Variants in EPB41L3 observed in about 807,000 individuals in gnomAD.
The protein encoded by EPB41L3 is band 4.1-like protein 3.
In EPB41L3, 57 loss-of-function variants were observed where a neutral mutation model predicts 127.1. The observed-to-expected ratio is 0.45, with a 90% confidence interval of 0.36 to 0.56. The LOEUF (loss-of-function observed/expected upper bound fraction) is 0.56. Ranked by LOEUF, EPB41L3 falls within the 20% of genes least tolerant of loss-of-function variation. The probability of loss-of-function intolerance (pLI) is 0.00; values close to 1 mark genes in which losing one functional copy is unlikely to be tolerated. For missense variants in EPB41L3, 1,273 were observed against 1,372.2 expected (o/e 0.93, Z 1.14); for synonymous variants, 572 against 549.5 (o/e 1.04, Z -0.57).
chr18:5,552,905 TAGAC>T (rs1179042643), intron 3 of EPB41L3, among the ~76,000 whole-genome samples: 1 of 152,208 alleles, frequency 6.6e-6, no homozygotes, highest in Non-Finnish European at 1.5e-5. Context: ...AGCCTCTAAG[TAGAC>T]AGTCAAATAA....
chr18:5,469,222 G>A (rs1319273130), intron 3 of EPB41L3, among the ~76,000 whole-genome samples: 1 of 152,208 alleles, frequency 6.6e-6, no homozygotes, highest in Non-Finnish European at 1.5e-5. Context: ...CCCCTTCTGG[G>A]AGCCCAGACC....
At chr18:5,396,152 GA>G in intron 19 of EPB41L3, 48 bp downstream of exon 19, 1 of 1,610,100 alleles carries the variant, frequency 6.2e-7, no homozygotes, top group South Asian at 1.1e-5. Flanking sequence ...CTAGGCCATA[GA>G]GGGGTGAAAT....
chr18:5,464,618 T>G (rs532022040), intron 3 of EPB41L3, among the ~76,000 whole-genome samples: 1 of 152,308 alleles, frequency 6.6e-6, no homozygotes, highest in East Asian at 1.9e-4. Flanking sequence ...TAGTCATTTT[T>G]TTAAAACCCA....
intron 1 of EPB41L3, among the ~76,000 whole-genome samples, chr18:5,518,998 C>T (rs1343925858): frequency 1.3e-5 from 2 of 152,118 alleles, no homozygotes; most frequent in Non-Finnish European, 2.9e-5. Context: ...TCAATCTGCT[C>T]GGCAAAGACG....
chr18:5,501,258 T>C (rs1598376990), intron 1 of EPB41L3, among the ~76,000 whole-genome samples: 2 of 147,310 alleles, frequency 1.4e-5, no homozygotes, highest in East Asian at 4.0e-4. Flanking sequence ...ATCAGCAGAC[T>C]GGGGGTCATT....
intron 3 of EPB41L3, among the ~76,000 whole-genome samples, chr18:5,569,717 C>A (rs539086898): frequency 6.6e-6 from 1 of 152,126 alleles, no homozygotes; most frequent in African/African-American, 2.4e-5. Context: ...GTGGTTTTTC[C>A]GGCATTCCTA....
chr18:5,467,027 A>G (rs549284951), intron 3 of EPB41L3, among the ~76,000 whole-genome samples: 11 of 152,300 alleles, frequency 7.2e-5, no homozygotes, highest in Non-Finnish European at 1.5e-4. Context: ...GAATCACTAG[A>G]TGGTGCAACT....
chr18:5,496,387 A>G (rs1207648878), intron 1 of EPB41L3, among the ~76,000 whole-genome samples: 4 of 152,254 alleles, frequency 2.6e-5, no homozygotes, highest in Non-Finnish European at 4.4e-5. Flanking sequence ...ACATTTTAAT[A>G]AGCAAAGGAA....
intron 3 of EPB41L3, among the ~76,000 whole-genome samples, chr18:5,599,154 T>C (rs541065469): frequency 6.6e-6 from 1 of 152,332 alleles, no homozygotes; most frequent in South Asian, 2.1e-4. Flanking sequence ...GTCAGTTTCC[T>C]AATCTATGAA....
chr18:5,468,894 C>T (rs2322099), intron 3 of EPB41L3, among the ~76,000 whole-genome samples: 13 of 151,894 alleles, frequency 8.6e-5, no homozygotes, highest in East Asian at 5.8e-4. Flanking sequence ...TCAGCCTGGG[C>T]GACAGAGAGA....
chr18:5,574,845 TC>T (rs1205356772), intron 3 of EPB41L3, among the ~76,000 whole-genome samples: 1 of 152,196 alleles, frequency 6.6e-6, no homozygotes, highest in African/African-American at 2.4e-5. Flanking sequence ...TAGCTTGGTA[TC>T]ATTTCCCTGT....
At chr18:5,456,160 G>A (rs2083025315) in intron 3 of EPB41L3, among the ~76,000 whole-genome samples, 1 of 152,146 alleles carries the variant, frequency 6.6e-6, no homozygotes, top group South Asian at 2.1e-4. Context: ...TGAATTTAAT[G>A]AGTATGAATT....
chr18:5,429,301 T>C (rs1324265315), intron 8 of EPB41L3: 1 of 152,184 alleles, frequency 6.6e-6, no homozygotes, highest in Non-Finnish European at 1.5e-5. Flanking sequence ...GTTTAGGTAA[T>C]TTCCTATGGA....
chr18:5,399,305 C>T, intron 16 of EPB41L3: 2 of 399,056 alleles, frequency 5.0e-6, no homozygotes, highest in Non-Finnish European at 8.8e-6. Flanking sequence ...CGGTCACCAC[C>T]TTGTAAGTCA....
At chr18:5,563,088 G>A (rs2094154310) in intron 3 of EPB41L3, among the ~76,000 whole-genome samples, 1 of 152,234 alleles carries the variant, frequency 6.6e-6, no homozygotes, top group Non-Finnish European at 1.5e-5. Flanking sequence ...CCAGACGGAT[G>A]GGCAGAGGAT....
intron 1 of EPB41L3, among the ~76,000 whole-genome samples, chr18:5,499,638 G>A (rs948653954): frequency 2.0e-5 from 3 of 151,728 alleles, no homozygotes; most frequent in African/African-American, 7.3e-5. Context: ...GTGGTGGCGG[G>A]CGCCTGTAGT....
At chr18:5,623,922 G>T (rs186668521) in intron 1 of EPB41L3, among the ~76,000 whole-genome samples, 2 of 152,092 alleles carry the variant, frequency 1.3e-5, no homozygotes, top group Admixed American at 1.3e-4. Flanking sequence ...CTCCCAAAGC[G>T]CTGGGATTAT....
intron 3 of EPB41L3, among the ~76,000 whole-genome samples, chr18:5,550,482 A>AACTT (rs1174867821): frequency 6.6e-6 from 1 of 152,212 alleles, no homozygotes; most frequent in African/African-American, 2.4e-5. Context: ...GAGCCCTATA[A>AACTT]ACTTAAATCT....
chr18:5,395,287 A>G (rs2073186549), intron 20 of EPB41L3, 140 bp from the exon 21 acceptor site: 2 of 794,872 alleles, frequency 2.5e-6, no homozygotes, highest in African/African-American at 1.7e-5. Context: ...CTTATTTCAC[A>G]TTTTTAATTC....
Sources: allele counts gnomAD v4.1 joint callset (sites outside exome capture counted in the v4.1 genomes callset), GRCh38; gene constraint gnomAD v4.1.1; transcripts MANE v1.5; gene names NCBI Gene and HGNC (gene_info 2026-07-23, HGNC 2026-07-21).